The following UMODL1 variants were observed in gnomAD, a reference collection of about 807,000 sequenced individuals.
The protein encoded by UMODL1 is uromodulin like 1, also known as uromodulin-like 1.
A neutral mutation model predicts 136.3 loss-of-function variants in UMODL1; 128 were observed. That is an observed-to-expected ratio of 0.94 (90% CI 0.81 to 1.09). The LOEUF (loss-of-function observed/expected upper bound fraction) is 1.09, where lower values mean the gene tolerates loss of function less well. Ranked by LOEUF, UMODL1 falls within the 50% of genes least tolerant of loss-of-function variation. UMODL1 has a pLI of 0.00. For missense variants in UMODL1, 1,766 were observed against 1,725.6 expected, an observed-to-expected ratio of 1.02 and a Z score of -0.41; for synonymous variants, 721 against 720.0, an observed-to-expected ratio of 1.00 and a Z score of -0.02.
At chr21:42,101,931 T>A in intron 7 of UMODL1, 1 of 426,184 alleles carries the variant, frequency 2.3e-6, no homozygotes, top group Non-Finnish European at 4.4e-6. Context: ...GGGTATGGGC[T>A]GTGTGTGACG....
At chr21:42,074,543 T>A (rs1211103955) in intron 1 of UMODL1, among the ~76,000 whole-genome samples, 1 of 152,096 alleles carries the variant, frequency 6.6e-6, no homozygotes, top group East Asian at 1.9e-4. Context: ...TCGTGGTGAA[T>A]GTCATGGGGC....
chr21:42,114,190 A>G (rs183484509), intron 13 of UMODL1, among the ~76,000 whole-genome samples: 124 of 152,306 alleles, frequency 8.1e-4, no homozygotes, highest in Admixed American at 1.6e-3. Flanking sequence ...CAACAGTCCT[A>G]CAGAGGACTT....
chr21:42,082,560 AG>A (rs2066374527), intron 2 of UMODL1, among the ~76,000 whole-genome samples: 1 of 152,102 alleles, frequency 6.6e-6, no homozygotes, highest in South Asian at 2.1e-4. Context: ...CTGGCTATGG[AG>A]GCCACAGAGC....
chr21:42,074,029 C>T (rs1429942073), intron 1 of UMODL1, among the ~76,000 whole-genome samples: 1 of 152,226 alleles, frequency 6.6e-6, no homozygotes, highest in African/African-American at 2.4e-5. Flanking sequence ...CCTTCACCAT[C>T]CCTGTGTGCA....
intron 6 of UMODL1, among the ~76,000 whole-genome samples, chr21:42,090,969 T>G (rs2066484921): frequency 6.6e-6 from 1 of 152,240 alleles, no homozygotes; most frequent in Non-Finnish European, 1.5e-5. Context: ...CGTTTTTTTC[T>G]TCGAAACGGG....
intron 2 of UMODL1, among the ~76,000 whole-genome samples, chr21:42,083,299 A>G (rs1202225592): frequency 6.6e-6 from 1 of 152,192 alleles, no homozygotes; most frequent in Admixed American, 6.5e-5. Flanking sequence ...ATGAAGCCCC[A>G]GGGATGCCAG....
intron 13 of UMODL1, among the ~76,000 whole-genome samples, chr21:42,114,690 G>C (rs2066880889): frequency 1.3e-5 from 2 of 152,248 alleles, no homozygotes; most frequent in African/African-American, 4.8e-5. Flanking sequence ...ATCAGCCATG[G>C]CCTGAGAAAT....
chr21:42,063,286 C>T (rs936794485), intron 1 of UMODL1: 1 of 152,270 alleles, frequency 6.6e-6, no homozygotes, highest in Non-Finnish European at 1.5e-5. Context: ...GGGGCTGCCA[C>T]TGAGCCCGCT....
chr21:42,104,783 T>C (rs565752228), intron 9 of UMODL1, among the ~76,000 whole-genome samples: 19 of 152,312 alleles, frequency 1.2e-4, no homozygotes, highest in Middle Eastern at 3.4e-3. Context: ...TGTGTGTTAT[T>C]TCATTTTACT....
rs116942723 is a variant in UMODL1 at position 42,137,398 on chromosome 21, G to A, written c.3776-41G>A. The A allele has an allele frequency of 2.0e-3, 3,269 of 1,609,982 alleles. 106 individuals carry two copies. The Admixed American group carries it at 0.05, about 24-fold the overall frequency. Reference sequence around the variant, plus strand: ...GGGCTTGCTCTATCGCATTCCTCCCGTTTGTGCAGATCTCTCACCTGTGCC... The same window carrying A: ...GGGCTTGCTCTATCGCATTCCTCCCATTTGTGCAGATCTCTCACCTGTGCC... On this transcript the variant is annotated intron_variant, in intron 21 of 22. Coordinates refer to ENST00000408910, the MANE Select transcript of UMODL1 (RefSeq NM_001004416.3).
intron 21 of UMODL1, among the ~76,000 whole-genome samples, chr21:42,134,277 G>A (rs538951210): frequency 6.6e-6 from 1 of 152,312 alleles, no homozygotes; most frequent in East Asian, 1.9e-4. Context: ...ATCCATTCGG[G>A]CATCTTCCCT....
chr21:42,083,185 G>A (rs192887046), intron 2 of UMODL1, among the ~76,000 whole-genome samples: 46 of 152,206 alleles, frequency 3.0e-4, no homozygotes, highest in East Asian at 1.7e-3. Context: ...TCTGCCATGC[G>A]TCTCCACATG....
intron 2 of UMODL1, 51 bp downstream of exon 2, chr21:42,076,298 G>A (rs1237097894): frequency 9.3e-6 from 15 of 1,605,192 alleles, no homozygotes; most frequent in Non-Finnish European, 8.5e-6. Context: ...CCGTCGAGAC[G>A]CCTGATGGGA....
At chr21:42,090,175 C>A in intron 5 of UMODL1, 123 bp from the exon 6 acceptor site, 1 of 1,350,694 alleles carries the variant, frequency 7.4e-7, no homozygotes, top group Non-Finnish European at 1.0e-6. Context: ...GCCCAAGGCA[C>A]CCCTCAACCG....
At chr21:42,135,949 G>A (rs1370287468) in intron 21 of UMODL1, among the ~76,000 whole-genome samples, 2 of 152,194 alleles carry the variant, frequency 1.3e-5, no homozygotes, top group African/African-American at 4.8e-5. Flanking sequence ...ATGAAAATGG[G>A]ATCTCAGATG....
At chr21:42,128,290 C>T (rs772969907) in intron 20 of UMODL1, 171 of 287,240 alleles carry the variant, frequency 6.0e-4, no homozygotes, top group Non-Finnish European at 1.1e-3. Flanking sequence ...TTTTACATTC[C>T]TGTTTTCCTT....
intron 1 of UMODL1, among the ~76,000 whole-genome samples, chr21:42,073,771 T>A (rs1423676868): frequency 6.6e-6 from 1 of 152,084 alleles, no homozygotes; most frequent in Non-Finnish European, 1.5e-5. Context: ...AGGACAGCAG[T>A]GGTTTTGTGA....
intron 2 of UMODL1, 77 bp from the exon 3 acceptor site, chr21:42,084,007 C>A: frequency 6.5e-7 from 1 of 1,541,772 alleles, no homozygotes; most frequent in African/African-American, 1.4e-5. Context: ...CCAGGAAGCA[C>A]CGACGTGAGG....
chr21:42,139,291 C>A (rs1389666425), intron 22 of UMODL1, among the ~76,000 whole-genome samples: 2 of 152,302 alleles, frequency 1.3e-5, no homozygotes, highest in African/African-American at 4.8e-5. Context: ...AGGAAACTTA[C>A]AATCATGGCA....
Sources: gnomAD v4.1 joint callset for allele counts (sites outside exome capture counted in the v4.1 genomes callset) on GRCh38, gnomAD v4.1.1 for gene constraint, MANE v1.5 for transcripts, NCBI Gene and HGNC (gene_info 2026-07-23, HGNC 2026-07-21) for gene names.